The following CDC14B variants were observed in gnomAD, a reference collection of about 807,000 sequenced individuals.
CDC14B encodes cell division cycle 14B.
A neutral mutation model predicts 64.2 loss-of-function variants in CDC14B; 22 were observed. The observed-to-expected ratio is 0.34, with a 90% CI of 0.24 to 0.49. The LOEUF is 0.49. Ranked by LOEUF, CDC14B falls within the 20% of genes least tolerant of loss-of-function variation. CDC14B has a pLI of 0.99. For missense variants in CDC14B, 498 were observed against 629.9 expected (o/e 0.79, Z 2.24); for synonymous variants, 191 against 215.8 (o/e 0.89, Z 1.01).
At chr9:96,531,445 T>C (rs1006142209) in intron 9 of CDC14B, among the ~76,000 whole-genome samples, 2 of 152,202 alleles carry the variant, frequency 1.3e-5, no homozygotes, top group Non-Finnish European at 2.9e-5. Context: ...TTTTACGTAC[T>C]GATCAGCTTT....
chr9:96,564,731 G>T (rs750102209), intron 3 of CDC14B, 46 bp downstream of exon 3: 18 of 1,183,060 alleles, frequency 1.5e-5, no homozygotes, highest in Non-Finnish European at 2.2e-5. Context: ...TCGTCCCCCA[G>T]ATCAAGCTAA....
chr9:96,526,522 G>A (rs1203876148), intron 9 of CDC14B, among the ~76,000 whole-genome samples: 1 of 152,142 alleles, frequency 6.6e-6, no homozygotes, highest in Admixed American at 6.5e-5. Context: ...CCAGAACTGT[G>A]AGAGAATTAA....
chr9:96,536,260 C>A (rs1488742134), intron 7 of CDC14B, among the ~76,000 whole-genome samples: 1 of 152,188 alleles, frequency 6.6e-6, no homozygotes, highest in East Asian at 1.9e-4. Context: ...CCTGCTACCC[C>A]CCAGCCCAGA....
chr9:96,619,050 G>A (rs1266356762), intron 1 of CDC14B, among the ~76,000 whole-genome samples, 169 bp downstream of exon 1: 1 of 151,694 alleles, frequency 6.6e-6, no homozygotes, highest in Non-Finnish European at 1.5e-5. Flanking sequence ...GCGCTCCTCA[G>A]GAGCCAGGCT....
intron 7 of CDC14B, 33 bp downstream of exon 7, chr9:96,539,045 G>C (rs746509255): frequency 7.2e-7 from 1 of 1,393,952 alleles, no homozygotes; most frequent in Non-Finnish European, 1.0e-6. Context: ...GCGGGGGGAG[G>C]AAGAGTTGAA....
chr9:96,577,869 C>T, intron 1 of CDC14B, among the ~76,000 whole-genome samples: 1 of 152,268 alleles, frequency 6.6e-6, no homozygotes, highest in African/African-American at 2.4e-5. Context: ...TAGGCAAACA[C>T]TGAAAACAGC....
At chr9:96,541,959 G>A in intron 5 of CDC14B, 67 bp from the exon 6 acceptor site, 3 of 1,056,768 alleles carry the variant, frequency 2.8e-6, no homozygotes, top group South Asian at 1.6e-5. Flanking sequence ...CTAAGACAAA[G>A]GTGACTAGAA....
At position 96,503,460 on chromosome 9, in the gene CDC14B, C is replaced by T. The variant is rs16911004; in HGVS notation, c.*293G>A. ...CACAGGGACACACATGCACCACAGA[C>T]CAGCCAGCTCCCTGGGTACCAGAGG... On this transcript the variant is annotated 3_prime_UTR_variant, in exon 14 of 14. Coordinates refer to ENST00000375241, the MANE Select transcript of CDC14B (RefSeq NM_033331.4). 6.4e-3 allele frequency: 2,603 copies of T among 409,452 alleles called. 65 individuals are homozygous for T. The highest frequency in any genetic ancestry group is 0.049 in the African/African-American group (2,346 of 48,260). 25.4% of individuals were successfully genotyped at this position (409,452 alleles called of 1,614,324 possible).
chr9:96,512,421 T>C lies in CDC14B; in HGVS notation c.1344-2632A>G, dbSNP rs145050344. ...TAGCAGCCTCAAATCCTGGGCTCAA[T>C]TGATCCTCCTACCTCAGCCTCCAGA... On this transcript the variant is annotated intron_variant, in intron 12 of 13. Transcript: ENST00000375241. Among the ~76,000 whole-genome samples the C allele has an allele frequency of 5.2e-3, 784 of 151,550 alleles. 7 individuals are homozygous for C. The highest frequency in any genetic ancestry group is 0.017 in the African/African-American group (717 of 41,286).
intron 1 of CDC14B, among the ~76,000 whole-genome samples, chr9:96,606,527 TTGTGTG>T (rs376059971): frequency 0.064 from 7,212 of 112,742 alleles, 486 homozygotes; most frequent in African/African-American, 0.18. Flanking sequence ...TACTAAAAGT[TTGTGTG>T]TGTGTGTGTG....
At chr9:96,608,046 G>C (rs907893250) in intron 1 of CDC14B, among the ~76,000 whole-genome samples, 4 of 152,204 alleles carry the variant, frequency 2.6e-5, no homozygotes, top group African/African-American at 9.6e-5. Context: ...GAGTTTTACA[G>C]ATAAGGTCTT....
intron 1 of CDC14B, among the ~76,000 whole-genome samples, chr9:96,610,876 C>A (rs1217217067): frequency 6.6e-6 from 1 of 152,076 alleles, no homozygotes; most frequent in African/African-American, 2.4e-5. Context: ...CATATAAAGA[C>A]AAATTTCAAC....
At chr9:96,602,817 T>TTC (rs1270191305) in intron 1 of CDC14B, among the ~76,000 whole-genome samples, 1 of 152,154 alleles carries the variant, frequency 6.6e-6, no homozygotes, top group African/African-American at 2.4e-5. Context: ...ATGATTTTTT[T>TTC]TCTCTCTCTC....
At position 96,564,571 on chromosome 9, in the gene CDC14B, G is replaced by C. The variant is rs1343715765; in HGVS notation, c.327+206C>G. On this transcript the variant is annotated intron_variant, in intron 3 of 13. Transcript: ENST00000375241. ...TCACTAATTCAAACTAGAACCAAACGACCCAAACTTAAACTGTTCATTCAA... is the reference window on the plus strand; with the variant it reads ...TCACTAATTCAAACTAGAACCAAACCACCCAAACTTAAACTGTTCATTCAA... 2.6e-5 allele frequency among the ~76,000 whole-genome samples: 4 copies of C among 152,156 alleles called. No homozygotes were observed. The East Asian group carries it at 7.7e-4, about 29-fold the overall frequency.
chr9:96,516,564 C>T (rs1338283050), intron 12 of CDC14B, among the ~76,000 whole-genome samples: 4 of 152,076 alleles, frequency 2.6e-5, no homozygotes, highest in African/African-American at 9.7e-5. Context: ...ACTGCAACCT[C>T]CGCTTCCCAG....
chr9:96,516,640 C>A (rs748236069), intron 12 of CDC14B, among the ~76,000 whole-genome samples: 4 of 151,946 alleles, frequency 2.6e-5, no homozygotes, highest in Non-Finnish European at 4.4e-5. Flanking sequence ...TCACCACGCC[C>A]GGCTAAGTAC....
chr9:96,517,831 G>GTTTTTTTTTTTTTTTTTTT (rs893654975), intron 12 of CDC14B, among the ~76,000 whole-genome samples: 3 of 143,802 alleles, frequency 2.1e-5, no homozygotes, highest in African/African-American at 7.6e-5. Flanking sequence ...ACCATGCCCA[G>GTTTTTTTTTTTTTTTTTTT]TTTTTTTTTT....
chr9:96,518,011 C>CA (rs1486060581), intron 12 of CDC14B, among the ~76,000 whole-genome samples: 1 of 152,094 alleles, frequency 6.6e-6, no homozygotes, highest in African/African-American at 2.4e-5. Context: ...TGGGTTCTAG[C>CA]AGTGAGGAAG....
chr9:96,613,309 T>G (rs1441706261), intron 1 of CDC14B, among the ~76,000 whole-genome samples: 1 of 152,206 alleles, frequency 6.6e-6, no homozygotes, highest in Non-Finnish European at 1.5e-5. Flanking sequence ...ATCCACAGTG[T>G]GGTTTCAGTC....
Sources: gnomAD v4.1 joint callset for allele counts (sites outside exome capture counted in the v4.1 genomes callset) on GRCh38, gnomAD v4.1.1 for gene constraint, MANE v1.5 for transcripts, NCBI Gene and HGNC (gene_info 2026-07-23, HGNC 2026-07-21) for gene names.